KCNK10: variants seen among roughly 807,000 people sequenced by gnomAD.
KCNK10 encodes the protein potassium two pore domain channel subfamily K member 10, also known as potassium channel subfamily K member 10.
A neutral mutation model predicts 47.7 loss-of-function variants in KCNK10; 25 were observed. The observed-to-expected ratio is 0.52, with a 90% CI of 0.38 to 0.73. The LOEUF (loss-of-function observed/expected upper bound fraction) is 0.73, where lower values mean the gene tolerates loss of function less well. Ranked by LOEUF, KCNK10 falls within the 30% of genes least tolerant of loss-of-function variation. The pLI is 0.00. For missense variants in KCNK10, 563 were observed against 714.5 expected (o/e 0.79, Z 2.42); for synonymous variants, 303 against 285.6 (o/e 1.06, Z -0.61).
chr14:88,282,862 G>A (rs552195566), intron 1 of KCNK10, among the ~76,000 whole-genome samples: 18 of 152,220 alleles, frequency 1.2e-4, no homozygotes, highest in African/African-American at 4.3e-4. Flanking sequence ...TGGAATCCAC[G>A]ACCTCCTGAC....
rs566593518 is a variant in KCNK10, at chr14:88,185,511, G to T, written c.*24C>A. 3.1e-6 allele frequency: 5 copies of T among 1,604,534 alleles called. 1 individual carries two copies. The highest frequency in any genetic ancestry group is 1.3e-5 in the African/African-American group (1 of 74,780). ...CACACACACACACACACAACGCTCA[G>T]TCCAAGACCAATGTCCTTCACATTT... On this transcript the variant is annotated 3_prime_UTR_variant, in exon 7 of 7. Coordinates refer to ENST00000319231, the MANE Select transcript of KCNK10 (RefSeq NM_138317.3). The surrounding 1 kb of genome is among the most constrained non-coding windows in gnomAD (Gnocchi z 4.3).
At chr14:88,299,421 A>T (rs1253456339) in intron 1 of KCNK10, among the ~76,000 whole-genome samples, 2 of 152,218 alleles carry the variant, frequency 1.3e-5, no homozygotes. Flanking sequence ...ATTAAGAGTA[A>T]GGACTGCATC....
Position 88,323,267 on chromosome 14 carries a change from C to T in KCNK10, c.-469G>A, listed in dbSNP as rs1888590643. On this transcript the variant is annotated 5_prime_UTR_variant, in exon 1 of 7. Transcript: ENST00000319231. ...CCGCACACACACTCCCGGGCGCGCG[C>T]TTGGGCGGGCACGTCAGCCTCGCTC... 1 of 986,258 alleles carries T rather than the reference C, an allele frequency of 1.0e-6. No individual in the cohort carries two copies. 61.1% of individuals were successfully genotyped at this position (986,258 alleles called of 1,614,324 possible). A position where few individuals can be genotyped will look rare whatever the true frequency, so the allele number is the denominator to read the frequency against.
At chr14:88,205,455 T>A (rs536177266) in intron 4 of KCNK10, among the ~76,000 whole-genome samples, 69 of 152,050 alleles carry the variant, frequency 4.5e-4, no homozygotes, top group Middle Eastern at 3.5e-3. Flanking sequence ...TGTCCATCCA[T>A]CCATGTGTCT....
intron 2 of KCNK10, among the ~76,000 whole-genome samples, chr14:88,245,328 T>G (rs1197748471): frequency 1.3e-5 from 2 of 152,038 alleles, no homozygotes; most frequent in Non-Finnish European, 2.9e-5. Flanking sequence ...TCCCTTGTCC[T>G]CCCTCCCCCA....
chr14:88,229,570 G>T (rs1032938121), intron 3 of KCNK10, among the ~76,000 whole-genome samples: 2 of 152,054 alleles, frequency 1.3e-5, no homozygotes, highest in African/African-American at 2.4e-5. Flanking sequence ...AAGTTCTTGG[G>T]TAAGAGCATG....
rs35701116 is a variant in KCNK10, at chr14:88,182,034, C to CCG, written c.*3499_*3500dup. On this transcript the variant is annotated 3_prime_UTR_variant, in exon 7 of 7. Coordinates refer to ENST00000319231, the MANE Select transcript of KCNK10 (RefSeq NM_138317.3). ...AGAGATGGCCCAACACCACCCCAAC[C>CCG]CGCACACACACACACACACACACAC... 0.11 allele frequency: 10,886 copies of CCG among 95,936 alleles called. 652 individuals are homozygous for CCG. The highest frequency in any genetic ancestry group is 0.24 in the Admixed American group (2,134 of 8,810). The allele number at this position is 95,936 out of a possible 1,614,324, so 5.9% of individuals were successfully genotyped here.
intron 1 of KCNK10, among the ~76,000 whole-genome samples, chr14:88,270,080 C>A (rs190148212): frequency 2.0e-5 from 3 of 152,128 alleles, no homozygotes; most frequent in Non-Finnish European, 4.4e-5. Flanking sequence ...GAAAGGACAG[C>A]CTCCTCTCAC....
At chr14:88,188,321 A>G (rs1392929193) in intron 5 of KCNK10, among the ~76,000 whole-genome samples, 1 of 152,030 alleles carries the variant, frequency 6.6e-6, no homozygotes, top group Admixed American at 6.6e-5. Flanking sequence ...ACTTCCCTCG[A>G]TTCTTGACCA....
intron 3 of KCNK10, among the ~76,000 whole-genome samples, chr14:88,229,742 T>C (rs954590842): frequency 6.6e-6 from 1 of 152,148 alleles, no homozygotes; most frequent in African/African-American, 2.4e-5. Flanking sequence ...TGGTGAACTA[T>C]AAGGAGAGAC....
At chr14:88,289,682 A>AG (rs1229828789) in intron 1 of KCNK10, among the ~76,000 whole-genome samples, 1 of 152,242 alleles carries the variant, frequency 6.6e-6, no homozygotes, top group African/African-American at 2.4e-5. Context: ...GTTCAAGCTT[A>AG]GAATCAGATA....
At chr14:88,234,821 G>A (rs991801997) in intron 3 of KCNK10, among the ~76,000 whole-genome samples, 19 of 152,172 alleles carry the variant, frequency 1.2e-4, no homozygotes, top group Admixed American at 4.6e-4. Flanking sequence ...CTGGAAGAAG[G>A]ATATAATCCA....
At chr14:88,187,840 A>T in intron 6 of KCNK10, 127 bp downstream of exon 6, 8 of 779,346 alleles carry the variant, frequency 1.0e-5, no homozygotes, top group Non-Finnish European at 1.7e-5. Context: ...GAAGCCTATG[A>T]CCCGCCCCCC....
At chr14:88,292,279 G>A (rs1404041512) in intron 1 of KCNK10, among the ~76,000 whole-genome samples, 1 of 152,218 alleles carries the variant, frequency 6.6e-6, no homozygotes, top group Non-Finnish European at 1.5e-5. Flanking sequence ...CCTTTCCCAT[G>A]GCTGATCTGC....
At chr14:88,209,296 A>G (rs1346574198) in intron 4 of KCNK10, among the ~76,000 whole-genome samples, 1 of 152,230 alleles carries the variant, frequency 6.6e-6, no homozygotes, top group African/African-American at 2.4e-5. Context: ...GGCAGTCAGC[A>G]TGTAGCTAAA....
intron 1 of KCNK10, among the ~76,000 whole-genome samples, chr14:88,316,463 T>G (rs998206679): frequency 6.6e-6 from 1 of 152,192 alleles, no homozygotes; most frequent in Non-Finnish European, 1.5e-5. Context: ...AGAGTACCCC[T>G]AGGACCAGAC....
At chr14:88,301,382 A>C (rs939808081) in intron 1 of KCNK10, among the ~76,000 whole-genome samples, 3 of 152,138 alleles carry the variant, frequency 2.0e-5, no homozygotes, top group African/African-American at 7.2e-5. Context: ...CAGAGATATC[A>C]TTGTACTGTT....
intron 2 of KCNK10, among the ~76,000 whole-genome samples, chr14:88,246,144 T>A (rs1337685496): frequency 6.8e-4 from 103 of 151,742 alleles, no homozygotes; most frequent in Non-Finnish European, 4.4e-5. Context: ...GCGCCTGTAG[T>A]CCCAGCTACT....
At chr14:88,199,742 G>A (rs1885039065) in intron 4 of KCNK10, among the ~76,000 whole-genome samples, 1 of 152,178 alleles carries the variant, frequency 6.6e-6, no homozygotes, top group Non-Finnish European at 1.5e-5. Flanking sequence ...CCACTCCCAT[G>A]AGTAGCCCAG....
Sources: allele counts gnomAD v4.1 joint callset (sites outside exome capture counted in the v4.1 genomes callset), GRCh38; gene constraint gnomAD v4.1.1; non-coding constraint Gnocchi (gnomAD v3.1); transcripts MANE v1.5; gene names NCBI Gene and HGNC (gene_info 2026-07-23, HGNC 2026-07-21).